The following DNAJC3 variants were observed in gnomAD, a reference collection of about 807,000 sequenced individuals.
DNAJC3 encodes the protein dnaJ homolog subfamily C member 3.
In DNAJC3, 38 loss-of-function variants were observed where a neutral mutation model predicts 68.6. The ratio of observed to expected loss-of-function variants is 0.55; its 90% CI spans 0.43 to 0.73. The LOEUF (loss-of-function observed/expected upper bound fraction) is 0.73. Among genes scored for constraint, DNAJC3 ranks in the 30% least tolerant of loss-of-function variants. The pLI is 0.00. For missense variants in DNAJC3, 526 were observed against 591.9 expected, an observed-to-expected ratio of 0.89 and a Z score of 1.16; for synonymous variants, 203 against 204.0, an observed-to-expected ratio of 1.00 and a Z score of 0.04.
At chr13:95,715,384 G>A (rs1881104017) in intron 2 of DNAJC3, among the ~76,000 whole-genome samples, 1 of 152,166 alleles carries the variant, frequency 6.6e-6, no homozygotes, top group South Asian at 2.1e-4. Flanking sequence ...CTGGACAACA[G>A]AGTGAAACCC....
rs945278653 is a variant in DNAJC3, at chr13:95,685,795, AT to A, written c.82+8467del. ...TTTCTTCACCTCCATGCTAACATCT[AT>A]TTTTTTTTAAGCTTTTTAGTAATAG... On this transcript the variant is annotated intron_variant, in intron 1 of 11. Transcript: ENST00000602402. Among the ~76,000 whole-genome samples the A allele has an allele frequency of 1.5e-4, 23 of 150,218 alleles. 1 individual carries two copies. The highest frequency in any genetic ancestry group is 5.1e-4 in the African/African-American group (21 of 40,824).
chr13:95,700,971 A>AT (rs1300054759), intron 1 of DNAJC3, among the ~76,000 whole-genome samples: 3 of 151,864 alleles, frequency 2.0e-5, no homozygotes, highest in Non-Finnish European at 4.4e-5. Context: ...AATACTAGAC[A>AT]TTTTTTTTAA....
chr13:95,793,302 C>T lies in DNAJC3; in HGVS notation c.*2272C>T, dbSNP rs1454565439. On this transcript the variant is annotated 3_prime_UTR_variant, in exon 12 of 12. Transcript: ENST00000602402. ...AGCCTTGATGGCTGTCGGCAGTTTT[C>T]TGGTGTCCACCCAAACGGAGAGACA... 1 of 152,110 alleles carries T rather than the reference C, an allele frequency of 6.6e-6. No homozygotes were observed. Among genetic ancestry groups the T allele is most frequent in the Admixed American group, 6.5e-5 (1 of 15,272 alleles). The allele number at this position is 152,110 out of a possible 1,614,324, so 9.4% of individuals were successfully genotyped here. A position where few individuals can be genotyped will look rare whatever the true frequency, so the allele number is the denominator to read the frequency against.
intron 4 of DNAJC3, among the ~76,000 whole-genome samples, chr13:95,751,145 G>C (rs745761831): frequency 1.3e-5 from 2 of 152,158 alleles, no homozygotes; most frequent in Non-Finnish European, 2.9e-5. Context: ...GGAGGCAGGA[G>C]GATCACTTGA....
chr13:95,764,558 G>C (rs1882919787), intron 9 of DNAJC3, among the ~76,000 whole-genome samples: 1 of 147,678 alleles, frequency 6.8e-6, no homozygotes, highest in South Asian at 2.1e-4. Context: ...GCCAGATGTT[G>C]TGAGGTCCTT....
At chr13:95,790,608 T>C (rs1883739138) in intron 11 of DNAJC3, among the ~76,000 whole-genome samples, 1 of 152,076 alleles carries the variant, frequency 6.6e-6, no homozygotes, top group South Asian at 2.1e-4. Context: ...GGGTGGCTTC[T>C]TCTGGAGTGA....
intron 1 of DNAJC3, among the ~76,000 whole-genome samples, chr13:95,686,033 C>T (rs1880066334): frequency 6.6e-6 from 1 of 151,356 alleles, no homozygotes; most frequent in African/African-American, 2.4e-5. Flanking sequence ...ACGATCTTGG[C>T]TCACTGCAAG....
intron 1 of DNAJC3, among the ~76,000 whole-genome samples, chr13:95,706,745 G>C (rs1209018954): frequency 6.6e-6 from 1 of 152,126 alleles, no homozygotes; most frequent in Non-Finnish European, 1.5e-5. Flanking sequence ...TTTCATTTGG[G>C]TCCAAATAAA....
chr13:95,780,667 G>T (rs1566514921), intron 9 of DNAJC3, among the ~76,000 whole-genome samples: 1 of 151,958 alleles, frequency 6.6e-6, no homozygotes, highest in East Asian at 1.9e-4. Context: ...TTTCTTTTGT[G>T]TGATAGGCAG....
At chr13:95,699,288 C>T (rs1351041675) in intron 1 of DNAJC3, among the ~76,000 whole-genome samples, 2 of 152,146 alleles carry the variant, frequency 1.3e-5, no homozygotes, top group Non-Finnish European at 2.9e-5. Context: ...TAATAAAGAT[C>T]TCAGTTTTAT....
intron 4 of DNAJC3, among the ~76,000 whole-genome samples, chr13:95,735,368 C>T (rs1466339174): frequency 7.8e-5 from 8 of 102,502 alleles, no homozygotes; most frequent in East Asian, 3.0e-4. Context: ...ATGGTATTTC[C>T]AGTTCTAGAT....
intron 4 of DNAJC3, among the ~76,000 whole-genome samples, chr13:95,727,699 G>C (rs1191164240): frequency 5.9e-5 from 9 of 152,108 alleles, no homozygotes; most frequent in Non-Finnish European, 1.0e-4. Flanking sequence ...TCACAACCAG[G>C]ATATTGACAC....
At chr13:95,734,972 C>A (rs1881853114) in intron 4 of DNAJC3, among the ~76,000 whole-genome samples, 1 of 124,884 alleles carries the variant, frequency 8.0e-6, no homozygotes, top group African/African-American at 2.9e-5. Flanking sequence ...CTCCCCCCTC[C>A]CCCCCACCCC....
At chr13:95,717,471 G>A (rs1881188323) in intron 2 of DNAJC3, among the ~76,000 whole-genome samples, 1 of 152,172 alleles carries the variant, frequency 6.6e-6, no homozygotes, top group Admixed American at 6.5e-5. Context: ...TTAATGTCTG[G>A]TCAGTTCAGT....
At chr13:95,726,692 C>T (rs985906767) in intron 4 of DNAJC3, among the ~76,000 whole-genome samples, 2 of 151,972 alleles carry the variant, frequency 1.3e-5, no homozygotes, top group Admixed American at 6.5e-5. Context: ...CTTTTTATGC[C>T]CTCATTAGGC....
chr13:95,777,150 C>A (rs1215221664), intron 9 of DNAJC3, among the ~76,000 whole-genome samples: 1 of 152,158 alleles, frequency 6.6e-6, no homozygotes, highest in Non-Finnish European at 1.5e-5. Flanking sequence ...CCTTTTATAT[C>A]TGAATGATAG....
At chr13:95,736,662 A>G (rs1482900430) in intron 4 of DNAJC3, among the ~76,000 whole-genome samples, 2 of 151,536 alleles carry the variant, frequency 1.3e-5, no homozygotes, top group South Asian at 4.2e-4. Flanking sequence ...ATTTTTGTAC[A>G]TTGATTTTGT....
intron 2 of DNAJC3, among the ~76,000 whole-genome samples, chr13:95,711,285 G>A (rs1880951569): frequency 6.6e-6 from 1 of 152,254 alleles, no homozygotes; most frequent in South Asian, 2.1e-4. Flanking sequence ...ATCACTTGAG[G>A]TCAGGAGTTT....
intron 9 of DNAJC3, among the ~76,000 whole-genome samples, chr13:95,778,159 G>GA (rs1413048586): frequency 2.6e-5 from 4 of 151,924 alleles, no homozygotes; most frequent in Admixed American, 6.6e-5. Flanking sequence ...TCTGAAAATA[G>GA]AAAAAAACCC....
Sources: gnomAD v4.1 joint callset for allele counts (sites outside exome capture counted in the v4.1 genomes callset) on GRCh38, gnomAD v4.1.1 for gene constraint, MANE v1.5 for transcripts, NCBI Gene and HGNC (gene_info 2026-07-23, HGNC 2026-07-21) for gene names.